Variants in TECPR2 observed in about 807,000 individuals in gnomAD.
TECPR2 encodes tectonin beta-propeller repeat-containing protein 2.
In TECPR2, 65 loss-of-function variants were observed where a neutral mutation model predicts 138.1. The ratio of observed to expected loss-of-function variants is 0.47; its 90% CI spans 0.39 to 0.58. The LOEUF (loss-of-function observed/expected upper bound fraction) is 0.58, where lower values mean the gene tolerates loss of function less well. Among genes scored for constraint, TECPR2 ranks in the 20% least tolerant of loss-of-function variants. The pLI is 0.00. For missense variants in TECPR2, 1,553 were observed against 1,824.5 expected (o/e 0.85, Z 2.71); for synonymous variants, 746 against 749.8 (o/e 0.99, Z 0.08).
intron 17 of TECPR2, among the ~76,000 whole-genome samples, chr14:102,488,807 CAT>C (rs1341024148): frequency 2.3e-4 from 35 of 151,770 alleles, no homozygotes; most frequent in African/African-American, 4.4e-4. Context: ...ATAAAATACA[CAT>C]GAGATTTACC....
At position 102,443,332 on chromosome 14, in the gene TECPR2, A is replaced by G. The variant is rs1327934794; in HGVS notation, c.2753-315A>G. ...AGATGTTACATTTAGGCAGAATTTA[A>G]CCACTTTATGTTGATTAAACTTGAC... On this transcript the variant is annotated intron_variant, in intron 11 of 19. Coordinates refer to ENST00000359520, the MANE Select transcript of TECPR2 (RefSeq NM_014844.5). This position sits in a 1 kb window ranked among gnomAD's most constrained non-coding sequence, Gnocchi z 4.9. 1.3e-5 allele frequency among the ~76,000 whole-genome samples: 2 copies of G among 152,138 alleles called. No homozygotes were observed. The highest frequency in any genetic ancestry group is 4.8e-5 in the African/African-American group (2 of 41,410).
rs1891452574 is a variant in TECPR2 at position 102,502,123 on chromosome 14, A to G, written c.*3866A>G. 6.6e-6 allele frequency: 1 copy of G among 152,260 alleles called. No homozygotes were observed. The highest frequency in any genetic ancestry group is 2.4e-5 in the African/African-American group (1 of 41,460). The allele number at this position is 152,260 out of a possible 1,614,324, so 9.4% of individuals were successfully genotyped here. On this transcript the variant is annotated 3_prime_UTR_variant, in exon 20 of 20. Transcript: ENST00000359520. The stretch of plus-strand genomic sequence containing the variant: ...AAATAGCCTGCAGCTATTAAGAAGC[A>G]CGTGTGTGCAGGAAGCGGAGGCGCA...
chr14:102,448,473 A>G (rs946155180), intron 13 of TECPR2, among the ~76,000 whole-genome samples: 5 of 152,136 alleles, frequency 3.3e-5, no homozygotes, highest in African/African-American at 1.2e-4. Flanking sequence ...GAAGCAAGCT[A>G]CCCTTCTGAG....
At chr14:102,432,340 G>A (rs1023732871) in intron 8 of TECPR2, among the ~76,000 whole-genome samples, 5 of 147,556 alleles carry the variant, frequency 3.4e-5, no homozygotes, top group Admixed American at 6.7e-5. Context: ...TCTAAATGAT[G>A]ACAGAACACC....
At chr14:102,383,096 G>A (rs1383552551) in intron 2 of TECPR2, among the ~76,000 whole-genome samples, 1 of 152,116 alleles carries the variant, frequency 6.6e-6, no homozygotes, top group Non-Finnish European at 1.5e-5. Flanking sequence ...ATTTATATGT[G>A]TATGCCTGTT....
At chr14:102,386,055 G>A (rs1887991755) in intron 2 of TECPR2, among the ~76,000 whole-genome samples, 1 of 152,042 alleles carries the variant, frequency 6.6e-6, no homozygotes, top group South Asian at 2.1e-4. Flanking sequence ...GAAAAAAAAT[G>A]TATTTTGCTG....
rs1370084091 is a variant in TECPR2, at chr14:102,443,192, A to G, written c.2753-455A>G. ...GCAGCCTTTGGGCCTCCATCTGGCC[A>G]CTCTCCTGCTCTTGGCTTTTGTGTT... On this transcript the variant is annotated intron_variant, in intron 11 of 19. Coordinates refer to ENST00000359520, the MANE Select transcript of TECPR2 (RefSeq NM_014844.5). This position sits in a 1 kb window ranked among gnomAD's most constrained non-coding sequence, Gnocchi z 4.9. Among the ~76,000 whole-genome samples, 1 of 152,100 alleles carries G rather than the reference A, an allele frequency of 6.6e-6. No individual in the cohort carries two copies. Among genetic ancestry groups the G allele is most frequent in the Non-Finnish European group, 1.5e-5 (1 of 68,020 alleles).
At chr14:102,497,390 G>GCTTT (rs1891312764) in intron 18 of TECPR2, 180 bp from the exon 19 acceptor site, 1 of 1,021,372 alleles carries the variant, frequency 9.8e-7, no homozygotes, top group Admixed American at 3.3e-5. Flanking sequence ...CGGTGGCTTT[G>GCTTT]CTGGCCCTGC....
At chr14:102,390,934 C>G (rs1446371453) in intron 2 of TECPR2, among the ~76,000 whole-genome samples, 1 of 152,032 alleles carries the variant, frequency 6.6e-6, no homozygotes, top group Non-Finnish European at 1.5e-5. Context: ...CATGAGACAA[C>G]CTCCCTGGGC....
rs2295973 is a variant in TECPR2, at chr14:102,425,044, C to T, written c.704C>T (p.Ala235Val). ...LCKQSDLTLYASRPGLRLWKA... is the reference protein window; with the variant it reads ...LCKQSDLTLYVSRPGLRLWKA... ...AAGCAAAGTGATCTAACCTTGTATG[C>T]GTCACGGCCCGGGCTCCGGCTATGG... Residue 235 changes from alanine to valine, a missense_variant, in exon 6 of 20, where the codon GCG becomes GTG. Transcript: ENST00000359520. The T allele has an allele frequency of 7.4e-6, 12 of 1,614,068 alleles. No homozygotes were observed. The highest frequency in any genetic ancestry group is 1.0e-5 in the Non-Finnish European group (12 of 1,180,028).
chr14:102,441,480 C>T (rs1379029581), intron 11 of TECPR2, among the ~76,000 whole-genome samples: 1 of 147,898 alleles, frequency 6.8e-6, no homozygotes, highest in African/African-American at 2.5e-5. Flanking sequence ...AGTTCAAGAC[C>T]AACCTGGCCA....
At position 102,419,320 on chromosome 14, in the gene TECPR2, G is replaced by A. The variant is rs1364416788; in HGVS notation, c.638+4527G>A. Among the ~76,000 whole-genome samples, 1 of 152,202 alleles carries A rather than the reference G, an allele frequency of 6.6e-6. No individual in the cohort carries two copies. The highest frequency in any genetic ancestry group is 2.4e-5 in the African/African-American group (1 of 41,438). On this transcript the variant is annotated intron_variant, in intron 5 of 19. Transcript: ENST00000359520. This position sits in a 1 kb window ranked among gnomAD's most constrained non-coding sequence, Gnocchi z 4.8. ...GGAAGGGCTGAAAGAGGAGTTGACG[G>A]CGAGTATGGAGAGCTTTTAGGAGGA...
rs775453416 is a variant in TECPR2, at chr14:102,498,824, C to G, written c.*567C>G. 1 of 593,552 alleles carries G rather than the reference C, an allele frequency of 1.7e-6. No individual in the cohort carries two copies. The highest frequency in any genetic ancestry group is 3.2e-6 in the Non-Finnish European group (1 of 313,350). The allele number at this position is 593,552 out of a possible 1,614,324, so 36.8% of individuals were successfully genotyped here. The stretch of plus-strand genomic sequence containing the variant: ...TGAGGCCGGGCTTGAGAGGAGAGCG[C>G]TGGCCATGCCAGGAGAGAACCCACG... On this transcript the variant is annotated 3_prime_UTR_variant, in exon 20 of 20. Transcript: ENST00000359520.
intron 17 of TECPR2, among the ~76,000 whole-genome samples, chr14:102,479,818 C>T (rs1024175108): frequency 6.6e-6 from 1 of 152,240 alleles, no homozygotes; most frequent in African/African-American, 2.4e-5. Context: ...CATGATACTG[C>T]AAGACTTCCT....
intron 17 of TECPR2, among the ~76,000 whole-genome samples, chr14:102,468,089 G>A (rs1202149950): frequency 2.0e-5 from 3 of 150,658 alleles, no homozygotes; most frequent in Admixed American, 6.6e-5. Flanking sequence ...CAGGTGATCC[G>A]CCCACCTCGG....
rs1889287817 is a variant in TECPR2 at position 102,425,307 on chromosome 14, C to T, written c.951+16C>T. 6.4e-7 allele frequency: 1 copy of T among 1,562,194 alleles called. No individual in the cohort carries two copies. Among genetic ancestry groups the T allele is most frequent in the Non-Finnish European group, 8.7e-7 (1 of 1,153,084 alleles). ...AGTCAACCAGGTAAGTGAAGGGACG[C>T]CACCATATCTTCTGTGTCTATAGGC... On this transcript the variant is annotated intron_variant, in intron 6 of 19. Transcript: ENST00000359520.
At chr14:102,490,951 A>G (rs1891146251) in intron 17 of TECPR2, among the ~76,000 whole-genome samples, 1 of 151,882 alleles carries the variant, frequency 6.6e-6, no homozygotes, top group African/African-American at 2.4e-5. Flanking sequence ...CTGGAGTGCA[A>G]TGTCACGATC....
intron 17 of TECPR2, among the ~76,000 whole-genome samples, chr14:102,475,089 C>T (rs753344103): frequency 6.6e-6 from 1 of 152,176 alleles, no homozygotes; most frequent in African/African-American, 2.4e-5. Flanking sequence ...AAACCACTGG[C>T]GCCTGTGCTT....
chr14:102,428,221 T>TG, intron 6 of TECPR2, 29 bp from the exon 7 acceptor site: 4 of 1,418,478 alleles, frequency 2.8e-6, no homozygotes, highest in Non-Finnish European at 3.7e-6. Context: ...TTGTGTTTTT[T>TG]GTTTTTTTTT....
Sources: allele counts gnomAD v4.1 joint callset (sites outside exome capture counted in the v4.1 genomes callset), GRCh38; gene constraint gnomAD v4.1.1; non-coding constraint Gnocchi (gnomAD v3.1); transcripts MANE v1.5; gene names NCBI Gene and HGNC (gene_info 2026-07-23, HGNC 2026-07-21).